FANCA: variants seen among roughly 807,000 people sequenced by gnomAD.
FANCA encodes Fanconi anemia group A protein.
A neutral mutation model predicts 194.3 loss-of-function variants in FANCA; 236 were observed. The observed-to-expected ratio is 1.21, with a 90% CI of 1.09 to 1.35. The LOEUF (loss-of-function observed/expected upper bound fraction) is 1.35, where lower values mean the gene tolerates loss of function less well. Ranked by LOEUF, FANCA falls within the 40% of genes most tolerant of loss-of-function variation. The pLI is 0.00. For missense variants in FANCA, 2,628 were observed against 1,813.9 expected (o/e 1.45, Z -8.15); for synonymous variants, 1,014 against 715.8 (o/e 1.42, Z -6.65).
chr16:89,797,654 T>C (rs2040295312), intron 10 of FANCA, among the ~76,000 whole-genome samples: 1 of 152,058 alleles, frequency 6.6e-6, no homozygotes, highest in South Asian at 2.1e-4. Flanking sequence ...GAGGTGGGTG[T>C]TATCACTTGA....
chr16:89,786,674 T>TA (rs2039909051), intron 14 of FANCA, among the ~76,000 whole-genome samples: 1 of 152,106 alleles, frequency 6.6e-6, no homozygotes, highest in African/African-American at 2.4e-5. Flanking sequence ...AGCCATTAGA[T>TA]AAAAAGCGGA....
rs1013176670 is a variant in FANCA, at chr16:89,794,949, T to C, written c.1006+957A>G. Among the ~76,000 whole-genome samples, 3 of 152,042 alleles carry C rather than the reference T, an allele frequency of 2.0e-5. No individual in the cohort carries two copies. In the East Asian group the frequency reaches 5.8e-4, roughly 29 times the overall value. On this transcript the variant is annotated intron_variant, in intron 11 of 42. Coordinates refer to ENST00000389301, the MANE Select transcript of FANCA (RefSeq NM_000135.4). The stretch of plus-strand genomic sequence containing the variant: ...GTGAGTTGTGCTGGGTGATCAGGTA[T>C]TCCAGAAGGAGAATGTGCATGCTCA...
chr16:89,744,937 C>G (rs1040599834), intron 36 of FANCA, 22 bp downstream of exon 36: 6 of 1,605,546 alleles, frequency 3.7e-6, no homozygotes, highest in Middle Eastern at 1.6e-4. Context: ...CGGGCACACC[C>G]CATCTCACCA....
At chr16:89,746,006 T>C (rs566798449) in intron 35 of FANCA, among the ~76,000 whole-genome samples, 1 of 152,234 alleles carries the variant, frequency 6.6e-6, no homozygotes, top group Admixed American at 6.5e-5. Context: ...GGCCCTCCTG[T>C]CCCTGATGAC....
rs749128867 is a variant in FANCA, at chr16:89,738,075, G to T, written c.*526C>A. 11 of 1,614,006 alleles carry T rather than the reference G, an allele frequency of 6.8e-6. No individual in the cohort carries two copies. The highest frequency in any genetic ancestry group is 9.3e-6 in the Non-Finnish European group (11 of 1,180,048). ...CTGAGCTGGACTTTGCCTGTGACCAGTGTGGCCGGCGGTTTGAGAAGGCCC... is the reference window on the plus strand; with the variant it reads ...CTGAGCTGGACTTTGCCTGTGACCATTGTGGCCGGCGGTTTGAGAAGGCCC... On this transcript the variant is annotated 3_prime_UTR_variant, in exon 43 of 43. Transcript: ENST00000389301.
chr16:89,770,284 C>G (rs2039280000), intron 24 of FANCA, 25 bp from the exon 25 acceptor site: 1 of 1,541,194 alleles, frequency 6.5e-7, no homozygotes, highest in Non-Finnish European at 8.8e-7. Context: ...GTGAAACCAT[C>G]AGTACTAGCC....
intron 30 of FANCA, among the ~76,000 whole-genome samples, chr16:89,752,725 G>T (rs955272032): frequency 3.3e-5 from 5 of 152,212 alleles, no homozygotes; most frequent in African/African-American, 1.2e-4. Flanking sequence ...ACAAGAGTGC[G>T]AGCCTTCTGT....
intron 11 of FANCA, 99 bp downstream of exon 11, chr16:89,795,807 C>T (rs1567639074): frequency 1.2e-6 from 1 of 854,486 alleles, no homozygotes; most frequent in Non-Finnish European, 2.0e-6. Context: ...AAAAGAGGTC[C>T]TAGAATTCCT....
In FANCA at chr16:89,745,061, G is replaced by A. The variant is rs147017625; in HGVS notation, c.3524C>T (p.Pro1175Leu). 1.8e-4 allele frequency: 284 copies of A among 1,605,374 alleles called. 2 individuals carry two copies. The African/African-American group carries it at 3.1e-3, about 18-fold the overall frequency. ...LILTSALVWWPSLEPVLLCRW... is the reference protein window; with the variant it reads ...LILTSALVWWLSLEPVLLCRW... ...GCAGAGCAGCACAGGCTCCAGGCTCGGCCACCACACCTATGGAGAGAGCAC... is the reference window on the plus strand; with the variant it reads ...GCAGAGCAGCACAGGCTCCAGGCTCAGCCACCACACCTATGGAGAGAGCAC... The change falls in exon 36 of 43, where the codon CCG (proline) becomes CTG (leucine). Residue 1175 changes from proline to leucine, a missense_variant. Transcript: ENST00000389301.
intron 10 of FANCA, among the ~76,000 whole-genome samples, chr16:89,796,926 AGGGGGGCAG>A (rs1784694368): frequency 6.6e-6 from 1 of 152,122 alleles, no homozygotes; most frequent in African/African-American, 2.4e-5. Context: ...TGGGAGGCCA[AGGGGGGCAG>A]ATGACAAGGT....
chr16:89,803,296 T>C lies in FANCA; in HGVS notation c.755A>G (p.Asp252Gly), dbSNP rs17225943. The stretch of plus-strand genomic sequence containing the variant: ...TTCAGGCTCCACAGTTCTTCTCAGA[T>C]CTGAGTTTTTCTGAAATCCCCTCAA... ...FVLRGFQKNS[D>G]LRRTVEPEKM... Residue 252 changes from aspartate to glycine, a missense_variant, in exon 8 of 43, where the codon GAT (aspartate) becomes GGT (glycine). Transcript: ENST00000389301. 3.2e-3 allele frequency: 5,118 copies of C among 1,614,182 alleles called. 163 individuals carry two copies. In the African/African-American group the frequency reaches 0.061, roughly 19 times the overall value.
chr16:89,805,741 A>C (rs1740047739), intron 6 of FANCA, among the ~76,000 whole-genome samples: 1 of 149,702 alleles, frequency 6.7e-6, no homozygotes, highest in African/African-American at 2.5e-5. Flanking sequence ...GTCTCAAGTT[A>C]TTTTCTAATT....
intron 26 of FANCA, among the ~76,000 whole-genome samples, chr16:89,769,385 G>A (rs1028027124): frequency 6.6e-6 from 1 of 152,042 alleles, no homozygotes; most frequent in Non-Finnish European, 1.5e-5. Context: ...TTAACCACAG[G>A]GTCCTTCCTC....
chr16:89,759,095 C>T (rs1185782908), intron 29 of FANCA, among the ~76,000 whole-genome samples: 2 of 151,080 alleles, frequency 1.3e-5, no homozygotes, highest in South Asian at 2.1e-4. Flanking sequence ...CTCAGGCGGG[C>T]GGATCACGAG....
rs569463157 is a variant in FANCA, at chr16:89,759,439, T to C, written c.2853-734A>G. Among the ~76,000 whole-genome samples, 3 of 148,672 alleles carry C rather than the reference T, an allele frequency of 2.0e-5. No individual in the cohort carries two copies. In the South Asian group the frequency reaches 6.5e-4, roughly 32 times the overall value. ...AGCAACCTGCATCCAGACTGTGGAC[T>C]CTGTGGATACGGATGGGAAGGGGCT... On this transcript the variant is annotated intron_variant, in intron 29 of 42. Transcript: ENST00000389301.
intron 10 of FANCA, among the ~76,000 whole-genome samples, chr16:89,797,088 G>A (rs2040273411): frequency 2.0e-5 from 3 of 152,196 alleles, no homozygotes; most frequent in Non-Finnish European, 2.9e-5. Flanking sequence ...TGAACCCAGG[G>A]AGCGGAGCTT....
intron 32 of FANCA, 129 bp downstream of exon 32, chr16:89,749,601 G>C (rs752580654): frequency 2.5e-5 from 29 of 1,181,436 alleles, no homozygotes; most frequent in Non-Finnish European, 3.4e-5. Context: ...AAATGGACAG[G>C]CTTGGGGTGG....
intron 29 of FANCA, among the ~76,000 whole-genome samples, chr16:89,761,159 C>A (rs1296084182): frequency 2.0e-5 from 3 of 152,176 alleles, no homozygotes; most frequent in Non-Finnish European, 4.4e-5. Flanking sequence ...GTGGCTCACG[C>A]CTGTAATGCC....
At chr16:89,780,623 CAAA>C (rs11356898) in intron 17 of FANCA, among the ~76,000 whole-genome samples, 22 of 140,038 alleles carry the variant, frequency 1.6e-4, no homozygotes, top group Non-Finnish European at 1.1e-4. Context: ...GTCCCTGCAT[CAAA>C]AAAAAAAAAA....
Sources: allele counts gnomAD v4.1 joint callset (sites outside exome capture counted in the v4.1 genomes callset), GRCh38; gene constraint gnomAD v4.1.1; transcripts MANE v1.5; gene names NCBI Gene and HGNC (gene_info 2026-07-23, HGNC 2026-07-21).